CISD2: variants seen among roughly 807,000 people sequenced by gnomAD.
The protein encoded by CISD2 is CDGSH iron-sulfur domain-containing protein 2.
A neutral mutation model predicts 12.9 loss-of-function variants in CISD2; 1 was observed. The ratio of observed to expected loss-of-function variants is 0.08; its 90% CI spans 0.03 to 0.37. The LOEUF (loss-of-function observed/expected upper bound fraction) is 0.37. Ranked by LOEUF, CISD2 falls within the 10% of genes least tolerant of loss-of-function variation. The pLI is 0.99. For missense variants in CISD2, 97 were observed against 163.1 expected, an observed-to-expected ratio of 0.59 and a Z score of 2.21; for synonymous variants, 50 against 60.6, an observed-to-expected ratio of 0.83 and a Z score of 0.81.
At chr4:102,882,035 T>C (rs1331831317) in intron 1 of CISD2, among the ~76,000 whole-genome samples, 1 of 151,966 alleles carries the variant, frequency 6.6e-6, no homozygotes, top group Non-Finnish European at 1.5e-5. Context: ...CTACTAAAAA[T>C]ACAAAAATTA....
At position 102,890,486 on chromosome 4, in the gene CISD2, C is replaced by T. The variant is rs1390583583; in HGVS notation, c.*3056C>T. ...CCCATTTAGAATTCAGTTGTGGCAGCATAACCAATCTGGAGAGACCAGGGG... is the reference window on the plus strand; with the variant it reads ...CCCATTTAGAATTCAGTTGTGGCAGTATAACCAATCTGGAGAGACCAGGGG... On this transcript the variant is annotated 3_prime_UTR_variant, in exon 3 of 3. Transcript: ENST00000273986. The T allele has an allele frequency of 6.6e-6, 1 of 152,130 alleles. No individual in the cohort carries two copies. The highest frequency in any genetic ancestry group is 1.5e-5 in the Non-Finnish European group (1 of 68,024). The allele number at this position is 152,130 out of a possible 1,614,324, so 9.4% of individuals were successfully genotyped here.
intron 1 of CISD2, among the ~76,000 whole-genome samples, chr4:102,876,431 T>C (rs1406765769): frequency 6.6e-6 from 1 of 152,188 alleles, no homozygotes; most frequent in Non-Finnish European, 1.5e-5. Flanking sequence ...GGTGTATTAG[T>C]CTGTTTTCAC....
At chr4:102,887,040 AG>A (rs1449023759) in intron 2 of CISD2, among the ~76,000 whole-genome samples, 1 of 152,230 alleles carries the variant, frequency 6.6e-6, no homozygotes, top group African/African-American at 2.4e-5. Flanking sequence ...TCGAATTTTA[AG>A]CTCCACAAAT....
chr4:102,888,030 G>C lies in CISD2; in HGVS notation c.*600G>C, dbSNP rs1200577718. On this transcript the variant is annotated 3_prime_UTR_variant, in exon 3 of 3. Coordinates refer to ENST00000273986, the MANE Select transcript of CISD2 (RefSeq NM_001008388.5). ...CAGTTATTTACAGTATAAAAGATTTGTTTACTTTACAAAAGGCTTGTGTCT... is the reference window on the plus strand; with the variant it reads ...CAGTTATTTACAGTATAAAAGATTTCTTTACTTTACAAAAGGCTTGTGTCT... The C allele has an allele frequency of 6.6e-6, 1 of 151,300 alleles. No individual in the cohort carries two copies. The highest frequency in any genetic ancestry group is 1.5e-5 in the Non-Finnish European group (1 of 68,248). The allele number at this position is 151,300 out of a possible 1,614,324, so 9.4% of individuals were successfully genotyped here. A position where few individuals can be genotyped will look rare whatever the true frequency, so the allele number is the denominator to read the frequency against.
intron 1 of CISD2, among the ~76,000 whole-genome samples, chr4:102,882,117 G>A (rs1733735464): frequency 2.0e-5 from 3 of 152,256 alleles, no homozygotes; most frequent in East Asian, 1.9e-4. Context: ...GCTTGTGCCC[G>A]GGAGGTGGAG....
rs1376755957 is a variant in CISD2, at chr4:102,889,946, G to A, written c.*2516G>A. ...CTTGGCTCTTGAAATACATGTCTTC[G>A]GTTTCTAGAGCCTTCAAAATACAGC... On this transcript the variant is annotated 3_prime_UTR_variant, in exon 3 of 3. Transcript: ENST00000273986. 6.6e-6 allele frequency: 1 copy of A among 151,644 alleles called. No homozygotes were observed. The highest frequency in any genetic ancestry group is 2.4e-5 in the African/African-American group (1 of 41,192). The allele number at this position is 151,644 out of a possible 1,614,324, so 9.4% of individuals were successfully genotyped here.
chr4:102,884,979 T>C (rs1326214890), intron 1 of CISD2: 1 of 479,716 alleles, frequency 2.1e-6, no homozygotes, highest in African/African-American at 2.0e-5. Flanking sequence ...ATATTTGAAA[T>C]GGAACCTATT....
intron 1 of CISD2, chr4:102,874,812 C>T (rs1733554710): frequency 6.6e-6 from 1 of 152,232 alleles, no homozygotes; most frequent in South Asian, 2.1e-4. Context: ...TTAATGGCCA[C>T]TACCTTAGTT....
chr4:102,891,211 G>T lies in CISD2; in HGVS notation c.*3781G>T, dbSNP rs1201619056. ...TCTTCTTTTTAAAAAATTTTTAATG[G>T]TAGAGGCAGCAGCTACCCAGAGTCT... On this transcript the variant is annotated 3_prime_UTR_variant, in exon 3 of 3. Coordinates refer to ENST00000273986, the MANE Select transcript of CISD2 (RefSeq NM_001008388.5). 1 of 146,750 alleles carries T rather than the reference G, an allele frequency of 6.8e-6. No homozygotes were observed. The highest frequency in any genetic ancestry group is 1.5e-5 in the Non-Finnish European group (1 of 67,880). 9.1% of individuals were successfully genotyped at this position (146,750 alleles called of 1,614,324 possible).
chr4:102,870,680 G>T (rs1560900657), intron 1 of CISD2, among the ~76,000 whole-genome samples: 1 of 152,146 alleles, frequency 6.6e-6, no homozygotes, highest in African/African-American at 2.4e-5. Flanking sequence ...ATAAACATCA[G>T]ATCTTTTGAT....
intron 2 of CISD2, among the ~76,000 whole-genome samples, 166 bp from the exon 3 acceptor site, chr4:102,887,175 A>G (rs1224232026): frequency 2.6e-5 from 4 of 152,206 alleles, no homozygotes; most frequent in African/African-American, 9.6e-5. Flanking sequence ...AAATTGTTAG[A>G]TTTTGAATAT....
At chr4:102,882,362 G>C (rs1255133452) in intron 1 of CISD2, among the ~76,000 whole-genome samples, 1 of 152,016 alleles carries the variant, frequency 6.6e-6, no homozygotes, top group Non-Finnish European at 1.5e-5. Flanking sequence ...CTGGATGCTG[G>C]GGCCAATTGC....
intron 1 of CISD2, among the ~76,000 whole-genome samples, chr4:102,879,863 C>T (rs1048995303): frequency 5.3e-5 from 8 of 152,122 alleles, no homozygotes; most frequent in African/African-American, 7.2e-5. Flanking sequence ...TTGAGCCAGA[C>T]GTTATATAGA....
intron 1 of CISD2, among the ~76,000 whole-genome samples, chr4:102,872,988 G>A (rs1733497358): frequency 6.6e-6 from 1 of 152,184 alleles, no homozygotes; most frequent in African/African-American, 2.4e-5. Context: ...ATGGCGGAAG[G>A]CGAAGGGGAA....
intron 1 of CISD2, among the ~76,000 whole-genome samples, chr4:102,880,730 C>T (rs1349226124): frequency 6.6e-6 from 1 of 151,898 alleles, no homozygotes. Flanking sequence ...CGGTGGCTCA[C>T]GCCTGTAATC....
intron 1 of CISD2, among the ~76,000 whole-genome samples, chr4:102,884,256 A>C (rs1253802379): frequency 1.3e-5 from 2 of 152,362 alleles, no homozygotes; most frequent in South Asian, 2.1e-4. Flanking sequence ...TTAAGCTAAC[A>C]TAGTGTTAAA....
chr4:102,873,601 G>C (rs1156438012), intron 1 of CISD2, among the ~76,000 whole-genome samples: 1 of 151,802 alleles, frequency 6.6e-6, no homozygotes, highest in Non-Finnish European at 1.5e-5. Flanking sequence ...GATGGTGCTG[G>C]TTCTTTCATT....
At chr4:102,869,225 G>C (rs923685432) in intron 1 of CISD2, 38 bp downstream of exon 1, 3 of 1,575,404 alleles carry the variant, frequency 1.9e-6, no homozygotes, top group Non-Finnish European at 2.6e-6. Context: ...ATCCTTGCAC[G>C]TTCGCCAAGC....
chr4:102,871,741 C>T (rs1019771845), intron 1 of CISD2, among the ~76,000 whole-genome samples: 2 of 152,114 alleles, frequency 1.3e-5, no homozygotes, highest in African/African-American at 4.8e-5. Flanking sequence ...ACCTGGAAGA[C>T]AACTTTTTAG....
Sources: gnomAD v4.1 joint callset for allele counts (sites outside exome capture counted in the v4.1 genomes callset) on GRCh38, gnomAD v4.1.1 for gene constraint, MANE v1.5 for transcripts, NCBI Gene and HGNC (gene_info 2026-07-23, HGNC 2026-07-21) for gene names.